The following TOP1 variants were observed in gnomAD, a reference collection of about 807,000 sequenced individuals.
TOP1 encodes the protein DNA topoisomerase I.
Under a neutral mutation model 111.1 loss-of-function variants are expected in TOP1, and 10 were observed. That is an observed-to-expected ratio of 0.09 (90% CI 0.06 to 0.15). The LOEUF is 0.15. Ranked by LOEUF, TOP1 falls within the 10% of genes least tolerant of loss-of-function variation. The probability of loss-of-function intolerance (pLI) is 1.00; values close to 1 mark genes in which losing one functional copy is unlikely to be tolerated. For missense variants in TOP1, 474 were observed against 926.7 expected, an observed-to-expected ratio of 0.51 and a Z score of 6.34; for synonymous variants, 271 against 302.9, an observed-to-expected ratio of 0.89 and a Z score of 1.10.
At chr20:41,113,852 T>A in intron 14 of TOP1, 118 bp from the exon 15 acceptor site, 2 of 815,594 alleles carry the variant, frequency 2.5e-6, no homozygotes, top group Non-Finnish European at 3.6e-6. Flanking sequence ...CATTGCACTC[T>A]AGCCTGGCGA....
At chr20:41,066,557 C>CTTT (rs776922601) in intron 3 of TOP1, among the ~76,000 whole-genome samples, 6,035 of 129,250 alleles carry the variant, frequency 0.047, 523 homozygotes, top group African/African-American at 0.17. Context: ...CTTTTCTTTT[C>CTTT]TTTTTTTTTT....
intron 2 of TOP1, among the ~76,000 whole-genome samples, chr20:41,052,309 A>G (rs778299598): frequency 1.6e-4 from 24 of 152,202 alleles, no homozygotes; most frequent in South Asian, 2.1e-4. Context: ...CTATCACATT[A>G]GGGTTTGGTC....
intron 13 of TOP1, among the ~76,000 whole-genome samples, chr20:41,107,260 A>C (rs924348904): frequency 2.6e-5 from 4 of 152,216 alleles, no homozygotes; most frequent in Admixed American, 6.5e-5. Context: ...ATTTTATCCT[A>C]CAGTATTACC....
At chr20:41,040,258 ATTAC>A (rs2033244689) in intron 2 of TOP1, among the ~76,000 whole-genome samples, 1 of 152,262 alleles carries the variant, frequency 6.6e-6, no homozygotes, top group Non-Finnish European at 1.5e-5. Flanking sequence ...ACATAGTGGT[ATTAC>A]TTACAGTGGT....
At chr20:41,087,024 C>T (rs926469366) in intron 8 of TOP1, among the ~76,000 whole-genome samples, 9 of 152,186 alleles carry the variant, frequency 5.9e-5, no homozygotes, top group African/African-American at 2.2e-4. Context: ...TTTACTATTC[C>T]TTATGCTATC....
At position 41,092,680 on chromosome 20, in the gene TOP1, T is replaced by C. The variant is rs1330888149; in HGVS notation, c.730+93T>C. The C allele has an allele frequency of 3.2e-5, 20 of 620,806 alleles. No individual in the cohort carries two copies. The East Asian group carries it at 5.8e-4, about 18-fold the overall frequency. The allele number at this position is 620,806 out of a possible 1,614,324, so 38.5% of individuals were successfully genotyped here. A position where few individuals can be genotyped will look rare whatever the true frequency, so the allele number is the denominator to read the frequency against. ...ACAAGGAAGGATCCTATGTAATAGA[T>C]AATCCTTTTTATTTCATTTTGTTTT... On this transcript the variant is annotated intron_variant, in intron 9 of 20. Coordinates refer to ENST00000361337, the MANE Select transcript of TOP1 (RefSeq NM_003286.4). This position sits in a 1 kb window ranked among gnomAD's most constrained non-coding sequence, Gnocchi z 4.3.
At chr20:41,047,982 C>G (rs941692163) in intron 2 of TOP1, among the ~76,000 whole-genome samples, 1 of 152,124 alleles carries the variant, frequency 6.6e-6, no homozygotes, top group East Asian at 1.9e-4. Context: ...GCTGTGCCAC[C>G]CCTTAAGTAG....
intron 2 of TOP1, among the ~76,000 whole-genome samples, chr20:41,059,456 A>G (rs1236748775): frequency 6.8e-6 from 1 of 146,500 alleles, no homozygotes; most frequent in African/African-American, 2.5e-5. Flanking sequence ...AAATAAATAA[A>G]TAAGGTGGTG....
Position 41,116,023 on chromosome 20 carries a change from GAT to G in TOP1, c.1708-254_1708-253del, listed in dbSNP as rs1397039337. On this transcript the variant is annotated intron_variant, in intron 16 of 20. Coordinates refer to ENST00000361337, the MANE Select transcript of TOP1 (RefSeq NM_003286.4). The surrounding 1 kb of genome is among the most constrained non-coding windows in gnomAD (Gnocchi z 5.6). ...GGAGGTGGAGGCAGCAGTGAACCGAGATTGTACCACTGCACTCCAGGCTGGGT... is the reference window on the plus strand; with the variant it reads ...GGAGGTGGAGGCAGCAGTGAACCGAGTGTACCACTGCACTCCAGGCTGGGT... Among the ~76,000 whole-genome samples, 1 of 152,170 alleles carries G rather than the reference GAT, an allele frequency of 6.6e-6. No individual in the cohort carries two copies. The highest frequency in any genetic ancestry group is 1.5e-5 in the Non-Finnish European group (1 of 68,032).
intron 2 of TOP1, among the ~76,000 whole-genome samples, chr20:41,050,653 G>A (rs903248943): frequency 6.6e-6 from 1 of 152,164 alleles, no homozygotes; most frequent in African/African-American, 2.4e-5. Flanking sequence ...TCCCCTAACA[G>A]TTGGGGAATA....
intron 8 of TOP1, among the ~76,000 whole-genome samples, chr20:41,089,657 G>C (rs1409478154): frequency 2.0e-5 from 3 of 152,164 alleles, no homozygotes; most frequent in African/African-American, 7.2e-5. Context: ...ATATTCCTGG[G>C]AATGGAATTG....
rs6102263 is a variant in TOP1, at chr20:41,071,339, C to A, written c.156-4832C>A. Among the ~76,000 whole-genome samples the A allele has an allele frequency of 0.021, 3,118 of 151,976 alleles. 102 individuals are homozygous for A. Among genetic ancestry groups the A allele is most frequent in the African/African-American group, 0.071 (2,922 of 41,434 alleles). On this transcript the variant is annotated intron_variant, in intron 3 of 20. Transcript: ENST00000361337. The surrounding 1 kb of genome is among the most constrained non-coding windows in gnomAD (Gnocchi z 4.3). Reference sequence around the variant, plus strand: ...AATAGTGTAAGTTATTTTTTTCTTTCCTTTTTTTAAATTTTTTTTTTTTTG... The same window carrying A: ...AATAGTGTAAGTTATTTTTTTCTTTACTTTTTTTAAATTTTTTTTTTTTTG...
intron 3 of TOP1, among the ~76,000 whole-genome samples, chr20:41,066,149 A>T (rs559856775): frequency 1.3e-5 from 2 of 152,336 alleles, no homozygotes; most frequent in Admixed American, 1.3e-4. Context: ...TATCTTCTCT[A>T]ACACATTCTA....
rs940980245 is a variant in TOP1, at chr20:41,106,170, A to G, written c.1308+4817A>G. Reference sequence around the variant, plus strand: ...TTAGTTGTATTACCTCCTCTCTTGTATATCAGATATATCTACATATATGTC... The same window carrying G: ...TTAGTTGTATTACCTCCTCTCTTGTGTATCAGATATATCTACATATATGTC... On this transcript the variant is annotated intron_variant, in intron 13 of 20. Transcript: ENST00000361337. This position sits in a 1 kb window ranked among gnomAD's most constrained non-coding sequence, Gnocchi z 4.3. 6.6e-6 allele frequency among the ~76,000 whole-genome samples: 1 copy of G among 152,198 alleles called. No individual in the cohort carries two copies. Among genetic ancestry groups the G allele is most frequent in the African/African-American group, 2.4e-5 (1 of 41,440 alleles).
At position 41,054,273 on chromosome 20, in the gene TOP1, G is replaced by A. The variant is rs1158795673; in HGVS notation, c.59-7121G>A. On this transcript the variant is annotated intron_variant, in intron 2 of 20. Coordinates refer to ENST00000361337, the MANE Select transcript of TOP1 (RefSeq NM_003286.4). The stretch of plus-strand genomic sequence containing the variant: ...GTGATAGTGAGTTCTCATGAGGTCC[G>A]ATGGTTTTATAAGGGGCTTCCCCAC... Among the ~76,000 whole-genome samples the A allele has an allele frequency of 2.0e-5, 3 of 152,014 alleles. No individual in the cohort carries two copies. The East Asian group carries it at 5.8e-4, about 29-fold the overall frequency.
intron 2 of TOP1, among the ~76,000 whole-genome samples, chr20:41,041,237 C>T (rs1478477764): frequency 6.6e-6 from 1 of 151,778 alleles, no homozygotes; most frequent in Admixed American, 6.6e-5. Flanking sequence ...TGCTTTAGCC[C>T]AGGAGTTCTA....
chr20:41,047,743 C>T (rs2033351203), intron 2 of TOP1, among the ~76,000 whole-genome samples: 1 of 152,142 alleles, frequency 6.6e-6, no homozygotes, highest in Non-Finnish European at 1.5e-5. Flanking sequence ...TGGCCCTTCA[C>T]AGAAAAAGTT....
chr20:41,113,632 CT>C (rs1473323185), intron 14 of TOP1, among the ~76,000 whole-genome samples: 2 of 150,370 alleles, frequency 1.3e-5, no homozygotes, highest in East Asian at 4.0e-4. Context: ...AATCCCAGCA[CT>C]TTGGGAGGCC....
At position 41,114,263 on chromosome 20, in the gene TOP1, C is replaced by CT; in HGVS notation, c.1638+110dup. 2.1e-6 allele frequency: 2 copies of CT among 973,162 alleles called. No individual in the cohort carries two copies. Among genetic ancestry groups the CT allele is most frequent in the Non-Finnish European group, 3.1e-6 (2 of 639,744 alleles). 60.3% of individuals were successfully genotyped at this position (973,162 alleles called of 1,614,324 possible). On this transcript the variant is annotated intron_variant, in intron 15 of 20. Transcript: ENST00000361337. This position sits in a 1 kb window ranked among gnomAD's most constrained non-coding sequence, Gnocchi z 4.5. ...CTTTGCTGGGCACCAGCAAAAGTGA[C>CT]TTGAGACAGGCAACATGGCACATGC...
Sources: allele counts gnomAD v4.1 joint callset (sites outside exome capture counted in the v4.1 genomes callset), GRCh38; gene constraint gnomAD v4.1.1; non-coding constraint Gnocchi (gnomAD v3.1); transcripts MANE v1.5; gene names NCBI Gene and HGNC (gene_info 2026-07-23, HGNC 2026-07-21).